DENND1C: variants seen among roughly 807,000 people sequenced by gnomAD.
DENND1C encodes DENN domain containing 1C.
In DENND1C, 64 loss-of-function variants were observed where a neutral mutation model predicts 87.9. That is an observed-to-expected ratio of 0.73 (90% CI 0.60 to 0.90). The LOEUF (loss-of-function observed/expected upper bound fraction) is 0.90. Among genes scored for constraint, DENND1C ranks in the 40% least tolerant of loss-of-function variants. The pLI is 0.00. For missense variants in DENND1C, 980 were observed against 1,037.0 expected, an observed-to-expected ratio of 0.95 and a Z score of 0.76; for synonymous variants, 384 against 424.4, an observed-to-expected ratio of 0.90 and a Z score of 1.17.
At chr19:6,471,368 G>A (rs757632599) in intron 16 of DENND1C, 38 bp downstream of exon 16, 24 of 1,584,428 alleles carry the variant, frequency 1.5e-5, no homozygotes, top group East Asian at 9.2e-5. Flanking sequence ...TGCTGGTGGC[G>A]GGTAGTGGGG....
At chr19:6,480,140 A>C in intron 1 of DENND1C, 89 bp from the exon 2 acceptor site, 3 of 1,536,904 alleles carry the variant, frequency 2.0e-6, no homozygotes, top group Non-Finnish European at 2.6e-6. Flanking sequence ...TTGTGTGTGC[A>C]TGTGCCACAA....
At chr19:6,469,512 G>T in intron 19 of DENND1C, 84 bp downstream of exon 19, 1 of 1,392,110 alleles carries the variant, frequency 7.2e-7, no homozygotes, top group Non-Finnish European at 9.9e-7. Context: ...TCAAACTCCT[G>T]GGCTCAAGCA....
chr19:6,472,599 A>T (rs2092835770), intron 15 of DENND1C, among the ~76,000 whole-genome samples: 2 of 152,134 alleles, frequency 1.3e-5, no homozygotes, highest in Admixed American at 1.3e-4. Context: ...CCATATTGGT[A>T]GGGCTGGTCT....
intron 3 of DENND1C, 31 bp downstream of exon 3, chr19:6,479,828 C>T (rs1233650460): frequency 1.2e-6 from 2 of 1,613,290 alleles, no homozygotes; most frequent in Middle Eastern, 1.6e-4. Context: ...CTGGCCCTCG[C>T]CCTGGGGGAG....
chr19:6,473,744 C>T (rs2145192938), intron 14 of DENND1C, among the ~76,000 whole-genome samples: 1 of 149,836 alleles, frequency 6.7e-6, no homozygotes, highest in Non-Finnish European at 1.5e-5. Context: ...GTGTGAGTCA[C>T]CGACCCGGCT....
rs371083079 is a variant in DENND1C at position 6,475,659 on chromosome 19, A to G, written c.825+47T>C. 9.2e-5 allele frequency: 149 copies of G among 1,612,102 alleles called. No homozygotes were observed. The African/African-American group carries it at 1.9e-3, about 20-fold the overall frequency. On this transcript the variant is annotated intron_variant, in intron 12 of 22. Transcript: ENST00000381480. ...AGGAGGGCATCTGGGGATGTAGAGGAAGGGGGAACCCTCACGTCCCCGTCG... is the reference window on the plus strand; with the variant it reads ...AGGAGGGCATCTGGGGATGTAGAGGGAGGGGGAACCCTCACGTCCCCGTCG...
chr19:6,477,190 C>T (rs2092866617), intron 8 of DENND1C, 28 bp downstream of exon 8: 1 of 1,590,494 alleles, frequency 6.3e-7, no homozygotes, highest in South Asian at 1.1e-5. Context: ...GGACCCCCGA[C>T]CTTCCAGGGT....
rs368901102 is a variant in DENND1C at position 6,479,665 on chromosome 19, G to C, written c.176+4C>G. 2 of 1,613,756 alleles carry C rather than the reference G, an allele frequency of 1.2e-6. No homozygotes were observed. The highest frequency in any genetic ancestry group is 1.7e-6 in the Non-Finnish European group (2 of 1,179,814). Reference sequence around the variant, plus strand: ...AGTCCTTGGATCTCCCCGCCCTTCCGTACCTTTCCACATCAAAAGGGAAGC... The same window carrying C: ...AGTCCTTGGATCTCCCCGCCCTTCCCTACCTTTCCACATCAAAAGGGAAGC... On this transcript the variant is annotated splice_donor_region_variant and intron_variant, in intron 4 of 22. Coordinates refer to ENST00000381480, the MANE Select transcript of DENND1C (RefSeq NM_024898.4).
chr19:6,478,346 C>A (rs1051094644), intron 6 of DENND1C, among the ~76,000 whole-genome samples: 2 of 151,946 alleles, frequency 1.3e-5, no homozygotes, highest in Non-Finnish European at 1.5e-5. Flanking sequence ...CGGGTTCAAG[C>A]GATTCTCCTG....
intron 15 of DENND1C, among the ~76,000 whole-genome samples, chr19:6,472,340 A>G (rs2092834352): frequency 6.6e-6 from 1 of 152,130 alleles, no homozygotes; most frequent in African/African-American, 2.4e-5. Flanking sequence ...GGGACCTAGG[A>G]GTAGGTCTTG....
Position 6,479,562 on chromosome 19 carries a change from C to G in DENND1C, c.176+107G>C. The G allele has an allele frequency of 5.0e-6, 7 of 1,413,174 alleles. No homozygotes were observed. In the Admixed American group the frequency reaches 5.2e-5, roughly 10 times the overall value. 87.5% of individuals were successfully genotyped at this position (1,413,174 alleles called of 1,614,324 possible). On this transcript the variant is annotated intron_variant, in intron 4 of 22. Transcript: ENST00000381480. ...TGTCTGAGTCTCTGAGTCTCAGGGT[C>G]CTCGAGTGTATGGGTTTCCAGATGT...
chr19:6,476,914 C>T lies in DENND1C; in HGVS notation c.621G>A (p.Leu207=), dbSNP rs76343539. The T allele has an allele frequency of 4.9e-5, 79 of 1,613,548 alleles. No homozygotes were observed. In the East Asian group the frequency reaches 1.5e-3, roughly 30 times the overall value. ...TTCTCTCGGCCAGGAGCGCCGCGAA[C>T]AGCCCCACGATGTTCTCGTCAGTCA... is the stretch of plus-strand genomic sequence containing the variant. ...VAVTDENIVG[L]FAALLAERRV... Residue 207 remains leucine (L), a synonymous_variant, in exon 10 of 23, where the codon CTG becomes CTA. Coordinates refer to ENST00000381480, the MANE Select transcript of DENND1C (RefSeq NM_024898.4).
At chr19:6,476,085 T>C in intron 10 of DENND1C, 148 bp from the exon 11 acceptor site, 1 of 760,568 alleles carries the variant, frequency 1.3e-6, no homozygotes, top group East Asian at 2.9e-5. Flanking sequence ...CCTTTAGAAA[T>C]CATGTGGAGA....
In DENND1C at chr19:6,479,003, G is replaced by A. The variant is rs754909074; in HGVS notation, c.230C>T (p.Ala77Val). 1.2e-6 allele frequency: 2 copies of A among 1,614,004 alleles called. No individual in the cohort carries two copies. The highest frequency in any genetic ancestry group is 1.7e-6 in the Non-Finnish European group (2 of 1,179,874). Residue 77 changes from alanine to valine, a missense_variant, in exon 5 of 23, where the codon GCC becomes GTC. Ala to Val is a moderately conservative substitution (Grantham distance 64). Coordinates refer to ENST00000381480, the MANE Select transcript of DENND1C (RefSeq NM_024898.4). ...GCAGAAACCAAATCTGCGGTTGCCG[G>A]CAAGGTCTGTGAGGGCGAAGGTGAA... ...QHFTFALTDL[A>V]GNRRFGFCRL...
intron 6 of DENND1C, 172 bp from the exon 7 acceptor site, chr19:6,477,630 A>ATAATAATAATAATAC: frequency 4.5e-6 from 1 of 223,074 alleles, no homozygotes; most frequent in Non-Finnish European, 8.5e-6. Context: ...AATAATAATA[A>ATAATAATAATAATAC]TAGAGACAAA....
At chr19:6,474,779 G>C (rs1036970035) in intron 14 of DENND1C, among the ~76,000 whole-genome samples, 2 of 151,942 alleles carry the variant, frequency 1.3e-5, no homozygotes, top group African/African-American at 4.8e-5. Context: ...AAAATATATA[G>C]AGACGGTGGC....
chr19:6,471,108 G>T (rs2092826468), intron 17 of DENND1C, among the ~76,000 whole-genome samples, 157 bp downstream of exon 17: 1 of 151,358 alleles, frequency 6.6e-6, no homozygotes, highest in South Asian at 2.1e-4. Flanking sequence ...GCTACACCTA[G>T]CGAATTTTTT....
In DENND1C at chr19:6,468,590, G is replaced by C; in HGVS notation, c.1571C>G (p.Pro524Arg). 6.5e-7 allele frequency: 1 copy of C among 1,530,934 alleles called. No homozygotes were observed. Among genetic ancestry groups the C allele is most frequent in the Non-Finnish European group, 8.8e-7 (1 of 1,140,870 alleles). 94.8% of individuals were successfully genotyped at this position (1,530,934 alleles called of 1,614,324 possible). A position where few individuals can be genotyped will look rare whatever the true frequency, so the allele number is the denominator to read the frequency against. Residue 524 changes from proline (P) to arginine (R), a missense_variant, in exon 21 of 23, where the codon CCC (proline) becomes CGC (arginine). By Grantham distance (103) the Pro-to-Arg change is moderately radical. Transcript: ENST00000381480. ...CTTTTTGCCTTACCCCGCCCCTGGG[G>C]GCTCGGAAGTTCCCTCTTCCAGCTG... Reference protein sequence around the residue: ...RRQLEEGTSEPPGAGTPPLSP... With the variant: ...RRQLEEGTSERPGAGTPPLSP...
Position 6,479,686 on chromosome 19 carries a change from G to A in DENND1C, c.159C>T (p.Phe53=), listed in dbSNP as rs1236339703. 2 of 1,613,892 alleles carry A rather than the reference G, an allele frequency of 1.2e-6. No individual in the cohort carries two copies. The highest frequency in any genetic ancestry group is 4.5e-5 in the East Asian group (2 of 44,894). The part of the protein sequence containing the change: ...EAMQMVPKFC[F]PFDVEREPPS... ...TTCCGTACCTTTCCACATCAAAAGGGAAGCAGAATTTAGGCACCATCTGCA... is the reference window on the plus strand; with the variant it reads ...TTCCGTACCTTTCCACATCAAAAGGAAAGCAGAATTTAGGCACCATCTGCA... The change falls in exon 4 of 23, where the codon TTC becomes TTT. Residue 53 remains phenylalanine (F), a synonymous_variant. Transcript: ENST00000381480.
Sources: allele counts gnomAD v4.1 joint callset (sites outside exome capture counted in the v4.1 genomes callset), GRCh38; gene constraint gnomAD v4.1.1; transcripts MANE v1.5; gene names NCBI Gene and HGNC (gene_info 2026-07-23, HGNC 2026-07-21).